The following SRC variants were observed in gnomAD, a reference collection of about 807,000 sequenced individuals.
SRC encodes the protein SRC proto-oncogene, non-receptor tyrosine kinase, also known as proto-oncogene tyrosine-protein kinase Src.
Under a neutral mutation model 62.9 loss-of-function variants are expected in SRC, and 13 were observed. That is an observed-to-expected ratio of 0.21 (90% CI 0.13 to 0.33). The LOEUF is 0.33. SRC is among the 10% of genes least tolerant of loss of function. The probability of loss-of-function intolerance (pLI) is 1.00; values close to 1 mark genes in which losing one functional copy is unlikely to be tolerated. For synonymous variants in SRC, 302 were observed against 317.5 expected, an observed-to-expected ratio of 0.95 and a Z score of 0.52; for missense variants, 457 against 737.3, an observed-to-expected ratio of 0.62 and a Z score of 4.40.
intron 1 of SRC, among the ~76,000 whole-genome samples, chr20:37,348,631 C>T (rs2069757225): frequency 6.6e-6 from 1 of 151,962 alleles, no homozygotes; most frequent in African/African-American, 2.4e-5. Flanking sequence ...TTTCCCTTCC[C>T]AGGGGCCCTG....
Position 37,403,143 on chromosome 20 carries a change from GGC to G in SRC, c.1403-27_1403-26del, listed in dbSNP as rs1172317146. On this transcript the variant is annotated intron_variant, in intron 13 of 13. Coordinates refer to ENST00000373578, the MANE Select transcript of SRC (RefSeq NM_198291.3). This position sits in a 1 kb window ranked among gnomAD's most constrained non-coding sequence, Gnocchi z 7.1. ...CACCCCACTTTCCTCACCGGAGCCG[GGC>G]TCCCCATGCCTCGCTCTGCCCACAG... 3.3e-6 allele frequency: 5 copies of G among 1,511,692 alleles called. No individual in the cohort carries two copies. Among genetic ancestry groups the G allele is most frequent in the Non-Finnish European group, 4.4e-6 (5 of 1,130,558 alleles). The allele number at this position is 1,511,692 out of a possible 1,614,324, so 93.6% of individuals were successfully genotyped here.
Position 37,384,254 on chromosome 20 carries a change from C to G in SRC, c.101C>G (p.Ala34Gly). The G allele has an allele frequency of 6.4e-7, 1 of 1,562,248 alleles. No individual in the cohort carries two copies. Among genetic ancestry groups the G allele is most frequent in the Non-Finnish European group, 8.6e-7 (1 of 1,163,098 alleles). The change falls in exon 4 of 14, where the codon GCC (alanine) becomes GGC (glycine). Residue 34 changes from alanine to glycine, a missense_variant. This residue lies in a region of SRC where 132 missense variants were observed against 135.4 expected (regional missense o/e 0.98). Coordinates refer to ENST00000373578, the MANE Select transcript of SRC (RefSeq NM_198291.3). The surrounding 1 kb of genome is among the most constrained non-coding windows in gnomAD (Gnocchi z 6.7). ...VHGAGGGAFP[A>G]SQTPSKPASA... is the part of the protein sequence containing the mutation. ...GGCGCTGGCGGGGGCGCTTTCCCCG[C>G]CTCGCAGACCCCCAGCAAGCCAGCC...
chr20:37,390,592 G>A (rs2070530861), intron 5 of SRC, among the ~76,000 whole-genome samples: 1 of 151,990 alleles, frequency 6.6e-6, no homozygotes, highest in African/African-American at 2.4e-5. Flanking sequence ...TTTTATTAGA[G>A]ACGGGGTTTC....
intron 1 of SRC, among the ~76,000 whole-genome samples, chr20:37,348,289 C>G (rs2069751635): frequency 6.6e-6 from 1 of 152,138 alleles, no homozygotes; most frequent in South Asian, 2.1e-4. Flanking sequence ...CTGATTGTGA[C>G]CAGGGGGGTG....
chr20:37,364,479 G>T (rs938741426), intron 1 of SRC, among the ~76,000 whole-genome samples: 1 of 152,148 alleles, frequency 6.6e-6, no homozygotes, highest in Non-Finnish European at 1.5e-5. Context: ...TTTGGCCTCT[G>T]TGTCCACCCC....
At chr20:37,368,533 T>TGTTTTTTTTTGG (rs1568625228) in intron 2 of SRC, among the ~76,000 whole-genome samples, 1 of 88,874 alleles carries the variant, frequency 1.1e-5, no homozygotes, top group African/African-American at 7.6e-5. Context: ...TTTTTTTTTT[T>TGTTTTTTTTTGG]TTTTTTTTTT....
At chr20:37,370,732 C>G (rs555197496) in intron 2 of SRC, among the ~76,000 whole-genome samples, 1 of 151,990 alleles carries the variant, frequency 6.6e-6, no homozygotes, top group Non-Finnish European at 1.5e-5. Context: ...AGTCATTGGT[C>G]TGTAATTTTC....
chr20:37,387,585 C>T (rs1480112400), intron 5 of SRC, among the ~76,000 whole-genome samples: 1 of 152,196 alleles, frequency 6.6e-6, no homozygotes, highest in Non-Finnish European at 1.5e-5. Context: ...CCCGGCTCCG[C>T]CTCCCCCCTT....
chr20:37,385,842 G>A (rs1440612573), intron 4 of SRC, among the ~76,000 whole-genome samples: 2 of 152,204 alleles, frequency 1.3e-5, no homozygotes, highest in Non-Finnish European at 2.9e-5. Context: ...CCCCGGGGAC[G>A]GACGCGGACA....
At chr20:37,386,241 A>AT in intron 5 of SRC, 67 bp downstream of exon 5, 1 of 1,446,612 alleles carries the variant, frequency 6.9e-7, no homozygotes, top group Non-Finnish European at 9.7e-7. Flanking sequence ...GCAGGGGCTC[A>AT]TGCAGGATCT....
Position 37,388,570 on chromosome 20 carries a change from A to G in SRC, c.350+2396A>G, listed in dbSNP as rs558998418. ...AGACCAGCCTGGGAAACATAGGGAG[A>G]CCTGGCCTCTACAAAATATAAAAAT... On this transcript the variant is annotated intron_variant, in intron 5 of 13. Transcript: ENST00000373578. 3.1e-3 allele frequency among the ~76,000 whole-genome samples: 465 copies of G among 152,306 alleles called. 6 individuals are homozygous for G. Among genetic ancestry groups the G allele is most frequent in the African/African-American group, 0.011 (447 of 41,560 alleles).
In SRC at chr20:37,404,942, T is replaced by TC. The variant is rs11086198; in HGVS notation, c.*1570dup. 2 of 231,786 alleles carry TC rather than the reference T, an allele frequency of 8.6e-6. No individual in the cohort carries two copies. Among genetic ancestry groups the TC allele is most frequent in the Non-Finnish European group, 8.5e-6 (1 of 117,542 alleles). 14.4% of individuals were successfully genotyped at this position (231,786 alleles called of 1,614,324 possible). A position where few individuals can be genotyped will look rare whatever the true frequency, so the allele number is the denominator to read the frequency against. ...CGTCCATATTTAACATGTAAAAATG[T>TC]CCCCCCCGCTCCGTCCCCCAAACAT... On this transcript the variant is annotated 3_prime_UTR_variant, in exon 14 of 14. Coordinates refer to ENST00000373578, the MANE Select transcript of SRC (RefSeq NM_198291.3).
At chr20:37,376,628 C>G (rs928872788) in intron 2 of SRC, among the ~76,000 whole-genome samples, 12 of 152,352 alleles carry the variant, frequency 7.9e-5, no homozygotes, top group African/African-American at 1.7e-4. Context: ...CTCAGCCTAT[C>G]AAGTAGCTGG....
intron 2 of SRC, among the ~76,000 whole-genome samples, chr20:37,379,658 A>C (rs2070331439): frequency 1.3e-5 from 2 of 151,382 alleles, no homozygotes; most frequent in South Asian, 4.2e-4. Context: ...TGGGAGGCGA[A>C]GGGTGCAGTG....
chr20:37,370,094 C>T (rs940188052), intron 2 of SRC, among the ~76,000 whole-genome samples: 1 of 152,220 alleles, frequency 6.6e-6, no homozygotes, highest in Non-Finnish European at 1.5e-5. Flanking sequence ...GCCACCACAC[C>T]CGGCCTAGCC....
At chr20:37,353,247 C>T (rs899751145) in intron 1 of SRC, among the ~76,000 whole-genome samples, 3 of 152,132 alleles carry the variant, frequency 2.0e-5, no homozygotes, top group African/African-American at 7.2e-5. Context: ...GGTGCTCTCT[C>T]TGCTTGGGCA....
chr20:37,357,763 G>A (rs753732705), intron 1 of SRC, among the ~76,000 whole-genome samples: 75 of 152,222 alleles, frequency 4.9e-4, no homozygotes, highest in Non-Finnish European at 1.0e-3. Flanking sequence ...TCAAGAAACA[G>A]GTGGTCGAGC....
At chr20:37,395,237 C>T (rs547841964) in intron 7 of SRC, among the ~76,000 whole-genome samples, 1 of 152,372 alleles carries the variant, frequency 6.6e-6, no homozygotes, top group East Asian at 1.9e-4. Flanking sequence ...CCACTTCCCT[C>T]TCTGGACCTC....
At chr20:37,373,155 C>T (rs879371173) in intron 2 of SRC, among the ~76,000 whole-genome samples, 33,302 of 151,078 alleles carry the variant, frequency 0.22, 5,295 homozygotes, top group African/African-American at 0.45. Context: ...CATATACACA[C>T]ATACACACAT....
Sources: gnomAD v4.1 joint callset for allele counts (sites outside exome capture counted in the v4.1 genomes callset) on GRCh38, gnomAD v4.1.1 for gene constraint, gnomAD v4.1.1 regional missense constraint, Gnocchi (gnomAD v3.1) non-coding constraint, MANE v1.5 for transcripts, NCBI Gene and HGNC (gene_info 2026-07-23, HGNC 2026-07-21) for gene names.